TIAM1: variants seen among roughly 807,000 people sequenced by gnomAD.
The protein encoded by TIAM1 is TIAM Rac1 associated GEF 1, also known as rho guanine nucleotide exchange factor TIAM1.
In TIAM1, 65 loss-of-function variants were observed where a neutral mutation model predicts 163.5. The observed-to-expected ratio is 0.40, with a 90% CI of 0.33 to 0.49. TIAM1 has a LOEUF of 0.49. TIAM1 is among the 20% of genes least tolerant of loss of function. TIAM1 has a pLI of 0.77. For synonymous variants in TIAM1, 833 were observed against 810.1 expected (o/e 1.03, Z -0.48); for missense variants, 1,789 against 2,044.7 (o/e 0.87, Z 2.41).
At chr21:31,362,445 A>ATTATT (rs2076422435) in intron 2 of TIAM1, among the ~76,000 whole-genome samples, 4 of 142,784 alleles carry the variant, frequency 2.8e-5, no homozygotes, top group Non-Finnish European at 6.0e-5. Flanking sequence ...ATGCAGTGAC[A>ATTATT]ATTATTATTA....
At chr21:31,124,245 T>C in intron 27 of TIAM1, 1 of 342,282 alleles carries the variant, frequency 2.9e-6, no homozygotes, top group Non-Finnish European at 5.2e-6. Flanking sequence ...GCAACCCGAC[T>C]TGGCAAATGA....
At chr21:31,149,739 C>T (rs1233847467) in intron 19 of TIAM1, among the ~76,000 whole-genome samples, 1 of 152,098 alleles carries the variant, frequency 6.6e-6, no homozygotes, top group Non-Finnish European at 1.5e-5. Flanking sequence ...TATTAAGCAG[C>T]TTTTTTGTTT....
chr21:31,504,485 G>GCTTCT (rs2046963672), intron 1 of TIAM1, among the ~76,000 whole-genome samples: 1 of 152,202 alleles, frequency 6.6e-6, no homozygotes, highest in African/African-American at 2.4e-5. Flanking sequence ...GTTCAAGAAT[G>GCTTCT]CCACTGTAAG....
rs1287911168 is a variant in TIAM1, at chr21:31,477,410, T to A, written c.-421-13375A>T. Among the ~76,000 whole-genome samples the A allele has an allele frequency of 3.9e-5, 6 of 151,940 alleles. No homozygotes were observed. In the East Asian group the frequency reaches 1.2e-3, roughly 29 times the overall value. ...CACAATCTGATTTGACCGATTCTTGTACAATATCCACGCATTCCCCACCTT... is the reference window on the plus strand; with the variant it reads ...CACAATCTGATTTGACCGATTCTTGAACAATATCCACGCATTCCCCACCTT... On this transcript the variant is annotated intron_variant, in intron 1 of 28. Coordinates refer to the TIAM1 transcript ENST00000286827.
chr21:31,184,208 T>A (rs1431190099), intron 14 of TIAM1, among the ~76,000 whole-genome samples: 4 of 150,950 alleles, frequency 2.6e-5, no homozygotes, highest in Non-Finnish European at 5.9e-5. Context: ...CCGGTTCGAG[T>A]GATTCTCCTG....
At chr21:31,319,870 G>A (rs1294486241) in intron 2 of TIAM1, among the ~76,000 whole-genome samples, 4 of 151,446 alleles carry the variant, frequency 2.6e-5, no homozygotes, top group Admixed American at 2.0e-4. Flanking sequence ...ATCCCCTACA[G>A]ATATTGAGCA....
In TIAM1 at chr21:31,359,833, GAA is replaced by G. The variant is rs1473032903; in HGVS notation, c.-368-20413_-368-20412del. The stretch of plus-strand genomic sequence containing the variant: ...GGAAGGAAGGAAGGAAGGAAGGAAG[GAA>G]GGAAGGAAGGAAGGAAGGAAGGAAG... On this transcript the variant is annotated intron_variant, in intron 2 of 28. Coordinates refer to the TIAM1 transcript ENST00000286827. 4.2e-3 allele frequency among the ~76,000 whole-genome samples: 561 copies of G among 134,036 alleles called. 10 individuals carry two copies. The highest frequency in any genetic ancestry group is 0.015 in the African/African-American group (535 of 34,648). 87.9% of individuals were successfully genotyped at this position (134,036 alleles called of 152,430 possible). A position where few individuals can be genotyped will look rare whatever the true frequency, so the allele number is the denominator to read the frequency against.
chr21:31,392,119 G>A (rs1402676785), intron 2 of TIAM1, among the ~76,000 whole-genome samples: 1 of 152,180 alleles, frequency 6.6e-6, no homozygotes, highest in Non-Finnish European at 1.5e-5. Flanking sequence ...TAGATTAGGT[G>A]TATTAAATGT....
At chr21:31,143,439 G>GTA (rs1476905095) in intron 20 of TIAM1, among the ~76,000 whole-genome samples, 1 of 136,242 alleles carries the variant, frequency 7.3e-6, no homozygotes, top group African/African-American at 2.9e-5. Context: ...CAGTGGGAGT[G>GTA]TATATATAAT....
intron 1 of TIAM1, among the ~76,000 whole-genome samples, chr21:31,544,184 G>T (rs1267554280): frequency 6.6e-6 from 1 of 151,406 alleles, no homozygotes; most frequent in Non-Finnish European, 1.5e-5. Flanking sequence ...CTCCAGCCAG[G>T]GGGGCAGAGG....
chr21:31,121,965 C>G (rs2082018451), intron 27 of TIAM1, among the ~76,000 whole-genome samples: 1 of 152,218 alleles, frequency 6.6e-6, no homozygotes, highest in Admixed American at 6.5e-5. Flanking sequence ...CAACTGGGAG[C>G]TGCTTTCCTG....
chr21:31,498,457 C>T (rs924605333), intron 1 of TIAM1, among the ~76,000 whole-genome samples: 2 of 152,200 alleles, frequency 1.3e-5, no homozygotes, highest in Non-Finnish European at 1.5e-5. Context: ...CCCCCACTCT[C>T]CCTTAAGGAA....
chr21:31,232,178 C>T (rs953455568), intron 6 of TIAM1, among the ~76,000 whole-genome samples: 6 of 151,536 alleles, frequency 4.0e-5, no homozygotes, highest in Non-Finnish European at 8.8e-5. Context: ...AAAAGCATAA[C>T]AATCCCCAAA....
intron 1 of TIAM1, among the ~76,000 whole-genome samples, chr21:31,500,038 C>T (rs1238745861): frequency 2.0e-5 from 3 of 151,814 alleles, no homozygotes; most frequent in Non-Finnish European, 4.4e-5. Context: ...TGGTGGCGGG[C>T]ACCTGTAATC....
chr21:31,123,257 G>A (rs950677258), intron 27 of TIAM1, among the ~76,000 whole-genome samples: 6 of 152,180 alleles, frequency 3.9e-5, no homozygotes, highest in Non-Finnish European at 5.9e-5. Context: ...CTGAGGTTGA[G>A]ACACATATTC....
intron 2 of TIAM1, among the ~76,000 whole-genome samples, chr21:31,409,293 A>G (rs1158327004): frequency 6.6e-6 from 1 of 151,896 alleles, no homozygotes. Flanking sequence ...TATTTTTAGT[A>G]GAGACGGGGT....
At chr21:31,414,720 C>A (rs1295700325) in intron 2 of TIAM1, among the ~76,000 whole-genome samples, 2 of 152,232 alleles carry the variant, frequency 1.3e-5, no homozygotes, top group Non-Finnish European at 2.9e-5. Flanking sequence ...AAAAGAAATT[C>A]TCTCTTCTGT....
At chr21:31,211,743 T>G (rs1258655588) in intron 10 of TIAM1, among the ~76,000 whole-genome samples, 1 of 152,216 alleles carries the variant, frequency 6.6e-6, no homozygotes, top group Non-Finnish European at 1.5e-5. Context: ...ATAATTGGAA[T>G]ATTCAGACTC....
intron 1 of TIAM1, among the ~76,000 whole-genome samples, chr21:31,500,791 C>T (rs2284538): frequency 6.6e-6 from 1 of 152,068 alleles, no homozygotes; most frequent in African/African-American, 2.4e-5. Context: ...ACGGAGCCGT[C>T]AGAATGAACC....
Sources: gnomAD v4.1 joint callset for allele counts (sites outside exome capture counted in the v4.1 genomes callset) on GRCh38, gnomAD v4.1.1 for gene constraint, MANE v1.5 for transcripts, NCBI Gene and HGNC (gene_info 2026-07-23, HGNC 2026-07-21) for gene names.